The following EDARADD variants were observed in gnomAD, a reference collection of about 807,000 sequenced individuals.
The protein encoded by EDARADD is ectodysplasin-A receptor-associated adapter protein.
Under a neutral mutation model 25.6 loss-of-function variants are expected in EDARADD, and 20 were observed. The observed-to-expected ratio is 0.78, with a 90% CI of 0.55 to 1.14. The LOEUF is 1.14. EDARADD is among the 50% of genes most tolerant of loss of function. The probability of loss-of-function intolerance (pLI) is 0.00; values close to 1 mark genes in which losing one functional copy is unlikely to be tolerated. For missense variants in EDARADD, 225 were observed against 270.1 expected (o/e 0.83, Z 1.17); for synonymous variants, 86 against 94.4 (o/e 0.91, Z 0.52).
intron 3 of EDARADD, among the ~76,000 whole-genome samples, chr1:236,363,006 A>AAATATATATATAG (rs1377112051): frequency 2.3e-5 from 1 of 42,950 alleles, no homozygotes; most frequent in Non-Finnish European, 3.8e-5. Flanking sequence ...AAAAAAAAAA[A>AAATATATATATAG]ATATATATAT....
upstream of EDARADD, chr1:236,394,225 C>G: frequency 1.8e-6 from 1 of 550,556 alleles, no homozygotes; most frequent in South Asian, 2.1e-5. Flanking sequence ...ACAAACCAAA[C>G]CTCCAAATTG....
chr1:236,379,427 A>G (rs1043772833), intron 3 of EDARADD, among the ~76,000 whole-genome samples: 1 of 152,002 alleles, frequency 6.6e-6, no homozygotes, highest in Non-Finnish European at 1.5e-5. Flanking sequence ...TCAAGAAAAC[A>G]GATACCCTTG....
chr1:236,451,714 C>T (rs890437777), intron 4 of EDARADD, among the ~76,000 whole-genome samples: 1 of 152,198 alleles, frequency 6.6e-6, no homozygotes, highest in Non-Finnish European at 1.5e-5. Context: ...TGAGCCACCA[C>T]ACCTGGCTCA....
intron 5 of EDARADD, among the ~76,000 whole-genome samples, chr1:236,478,610 G>A (rs750078455): frequency 4.7e-4 from 72 of 151,818 alleles, no homozygotes; most frequent in Non-Finnish European, 8.7e-4. Flanking sequence ...TTTTTGAGAC[G>A]GAGTCTCGCT....
At chr1:236,444,302 G>T (rs936706204) in intron 4 of EDARADD, among the ~76,000 whole-genome samples, 7 of 150,534 alleles carry the variant, frequency 4.7e-5, no homozygotes, top group African/African-American at 1.7e-4. Flanking sequence ...AACTAATATA[G>T]TTTACAAAAT....
intron 3 of EDARADD, among the ~76,000 whole-genome samples, chr1:236,354,453 G>T (rs1666953148): frequency 6.6e-6 from 1 of 152,206 alleles, no homozygotes; most frequent in Non-Finnish European, 1.5e-5. Flanking sequence ...TGATCTGGGA[G>T]AGCCAAGTTG....
chr1:236,390,350 TC>T (rs1376100210), upstream of EDARADD, among the ~76,000 whole-genome samples: 2 of 151,906 alleles, frequency 1.3e-5, no homozygotes, highest in African/African-American at 2.4e-5. Flanking sequence ...GGTCAGGAGA[TC>T]AAGACCATCC....
At position 236,431,902 on chromosome 1, in the gene EDARADD, T is replaced by C. The variant is rs1352613431; in HGVS notation, c.219+4452T>C. On this transcript the variant is annotated intron_variant, in intron 4 of 5. Transcript: ENST00000334232. ...CGCCACTGCAGTCCGCAGTCCGACC[T>C]GGGCGACAGAGCGAGACTCCGTCTC... Among the ~76,000 whole-genome samples the C allele has an allele frequency of 5.5e-5, 2 of 36,206 alleles. 1 individual carries two copies. The highest frequency in any genetic ancestry group is 1.9e-4 in the Non-Finnish European group (2 of 10,436). The allele number at this position is 36,206 out of a possible 152,430, so 23.8% of individuals were successfully genotyped here.
At chr1:236,405,683 C>A (rs1210232400) in intron 1 of EDARADD, among the ~76,000 whole-genome samples, 1 of 151,912 alleles carries the variant, frequency 6.6e-6, no homozygotes, top group African/African-American at 2.4e-5. Context: ...TGTGGCTCTG[C>A]CTTTCCCAGC....
At chr1:236,397,170 G>A (rs1667531279) in intron 1 of EDARADD, among the ~76,000 whole-genome samples, 1 of 152,122 alleles carries the variant, frequency 6.6e-6, no homozygotes, top group African/African-American at 2.4e-5. Context: ...AGCACTTTGG[G>A]AGGCTGAGGC....
intron 2 of EDARADD, among the ~76,000 whole-genome samples, chr1:236,413,048 G>A (rs1037731926): frequency 1.3e-5 from 2 of 152,154 alleles, no homozygotes; most frequent in African/African-American, 4.8e-5. Context: ...ATTTTTAGTA[G>A]AGATGGGGTT....
chr1:236,462,295 A>G (rs1358737796), intron 4 of EDARADD, among the ~76,000 whole-genome samples: 4 of 151,956 alleles, frequency 2.6e-5, no homozygotes, highest in African/African-American at 9.7e-5. Context: ...TTGGAGATTC[A>G]GCTATTATTT....
chr1:236,463,518 C>T (rs1415726700), intron 4 of EDARADD, among the ~76,000 whole-genome samples: 1 of 152,330 alleles, frequency 6.6e-6, no homozygotes, highest in East Asian at 1.9e-4. Context: ...GTCTCGAACT[C>T]CCGACCTCAG....
rs1270906187 is a variant in EDARADD at position 236,395,889 on chromosome 1, C to T, written c.61+1384C>T. Among the ~76,000 whole-genome samples the T allele has an allele frequency of 6.6e-6, 1 of 152,182 alleles. No homozygotes were observed. Among genetic ancestry groups the T allele is most frequent in the Non-Finnish European group, 1.5e-5 (1 of 68,028 alleles). On this transcript the variant is annotated intron_variant, in intron 1 of 5. Transcript: ENST00000334232. This position sits in a 1 kb window ranked among gnomAD's most constrained non-coding sequence, Gnocchi z 6.9. ...CCTCCCGCGCTCGCCAGGGCCCCTG[C>T]CCCGCGTCAGCCACCGCGCGCCTTC...
chr1:236,438,386 G>A (rs943534667), intron 4 of EDARADD, among the ~76,000 whole-genome samples: 1 of 152,196 alleles, frequency 6.6e-6, no homozygotes, highest in Non-Finnish European at 1.5e-5. Context: ...AGATGAAGAT[G>A]ATTTGGTGTC....
intron 4 of EDARADD, among the ~76,000 whole-genome samples, chr1:236,443,169 C>T (rs1335771245): frequency 6.6e-6 from 1 of 152,194 alleles, no homozygotes; most frequent in Non-Finnish European, 1.5e-5. Context: ...CAACCTGGGA[C>T]TTCTTTGCCC....
At chr1:236,351,981 G>A (rs762886440) in intron 3 of EDARADD, among the ~76,000 whole-genome samples, 15 of 152,070 alleles carry the variant, frequency 9.9e-5, no homozygotes, top group Admixed American at 3.9e-4. Flanking sequence ...ATGGCGCTGG[G>A]GGGTGTGTGT....
At chr1:236,385,137 G>T (rs561770817) in intron 3 of EDARADD, among the ~76,000 whole-genome samples, 1 of 142,158 alleles carries the variant, frequency 7.0e-6, no homozygotes, top group Non-Finnish European at 1.5e-5. Flanking sequence ...GGCCGGGCGC[G>T]GTAGCTCACG....
At chr1:236,414,329 A>C (rs752178442) in intron 3 of EDARADD, 30 bp downstream of exon 3, 1 of 1,557,496 alleles carries the variant, frequency 6.4e-7, no homozygotes, top group Non-Finnish European at 8.8e-7. Flanking sequence ...CTACTTGAAC[A>C]TGTGATTATT....
Sources: allele counts gnomAD v4.1 joint callset (sites outside exome capture counted in the v4.1 genomes callset), GRCh38; gene constraint gnomAD v4.1.1; non-coding constraint Gnocchi (gnomAD v3.1); transcripts MANE v1.5; gene names NCBI Gene and HGNC (gene_info 2026-07-23, HGNC 2026-07-21).